The following GALNT17 variants were observed in gnomAD, a reference collection of about 807,000 sequenced individuals.
The protein encoded by GALNT17 is polypeptide N-acetylgalactosaminyltransferase 17.
In GALNT17, 29 loss-of-function variants were observed where a neutral mutation model predicts 63.7. The ratio of observed to expected loss-of-function variants is 0.46; its 90% CI spans 0.34 to 0.62. The LOEUF is 0.62. Among genes scored for constraint, GALNT17 ranks in the 20% least tolerant of loss-of-function variants. The pLI is 0.01. For missense variants in GALNT17, 603 were observed against 799.6 expected, an observed-to-expected ratio of 0.75 and a Z score of 2.97; for synonymous variants, 305 against 318.3, an observed-to-expected ratio of 0.96 and a Z score of 0.45.
chr7:71,425,322 G>A (rs572468550), intron 5 of GALNT17, among the ~76,000 whole-genome samples: 5 of 151,790 alleles, frequency 3.3e-5, no homozygotes, highest in Non-Finnish European at 4.4e-5. Context: ...TCCCGGGTTC[G>A]AGCAATTCTT....
chr7:71,449,454 T>G (rs1424485007), intron 5 of GALNT17, among the ~76,000 whole-genome samples: 1 of 152,178 alleles, frequency 6.6e-6, no homozygotes, highest in African/African-American at 2.4e-5. Context: ...CCTCTTTATT[T>G]CCTATCATTA....
At chr7:71,525,561 C>T (rs996828440) in intron 5 of GALNT17, among the ~76,000 whole-genome samples, 3 of 151,866 alleles carry the variant, frequency 2.0e-5, no homozygotes, top group Admixed American at 6.6e-5. Flanking sequence ...TTATGAGGGG[C>T]TTCTCCTTTC....
At chr7:71,298,519 T>C (rs897352604) in intron 1 of GALNT17, among the ~76,000 whole-genome samples, 1 of 152,192 alleles carries the variant, frequency 6.6e-6, no homozygotes, top group Non-Finnish European at 1.5e-5. Context: ...CACTGTGGCA[T>C]CTGCTCCTTT....
chr7:71,520,754 G>T (rs1489413973), intron 5 of GALNT17, among the ~76,000 whole-genome samples: 3 of 152,128 alleles, frequency 2.0e-5, no homozygotes, highest in Non-Finnish European at 4.4e-5. Flanking sequence ...GGCTTGAGGT[G>T]GGAGGGCAGA....
chr7:71,179,467 G>C (rs1788698318), intron 1 of GALNT17, among the ~76,000 whole-genome samples: 1 of 152,208 alleles, frequency 6.6e-6, no homozygotes, highest in Non-Finnish European at 1.5e-5. Context: ...CTCAACTTTG[G>C]CAGAATAAAC....
chr7:71,562,606 C>G (rs116312297), intron 5 of GALNT17, among the ~76,000 whole-genome samples: 17 of 152,148 alleles, frequency 1.1e-4, no homozygotes, highest in African/African-American at 4.1e-4. Context: ...AATCTAATGC[C>G]GCTGCTGCTC....
At chr7:71,519,589 G>A (rs764250987) in intron 5 of GALNT17, among the ~76,000 whole-genome samples, 15 of 152,000 alleles carry the variant, frequency 9.9e-5, no homozygotes, top group African/African-American at 1.5e-4. Flanking sequence ...TCACCCTCCC[G>A]AGTAGCTGAG....
rs531949919 is a variant in GALNT17, at chr7:71,268,896, A to G, written c.239-66654A>G. Among the ~76,000 whole-genome samples the G allele has an allele frequency of 5.3e-5, 8 of 152,250 alleles. No homozygotes were observed. The South Asian group carries it at 1.7e-3, about 32-fold the overall frequency. ...TAGAGTGGCCTACATGGCTTCTTCT[A>G]GCATGACCAGCAGATGTGAGACTTG... On this transcript the variant is annotated intron_variant, in intron 1 of 10. Coordinates refer to ENST00000333538, the MANE Select transcript of GALNT17 (RefSeq NM_022479.3).
intron 6 of GALNT17, among the ~76,000 whole-genome samples, chr7:71,615,159 G>A (rs74496001): frequency 1.4e-4 from 21 of 152,310 alleles, no homozygotes; most frequent in African/African-American, 4.6e-4. Flanking sequence ...CAAGGCCAGC[G>A]CTTCAGCACA....
At chr7:71,474,251 G>C (rs549853099) in intron 5 of GALNT17, among the ~76,000 whole-genome samples, 1 of 152,240 alleles carries the variant, frequency 6.6e-6, no homozygotes, top group East Asian at 1.9e-4. Context: ...CCACCATCTT[G>C]GTTTTCATGG....
At chr7:71,238,452 T>A (rs552715162) in intron 1 of GALNT17, among the ~76,000 whole-genome samples, 15 of 152,160 alleles carry the variant, frequency 9.9e-5, no homozygotes, top group South Asian at 4.1e-4. Context: ...CTTCAACTTA[T>A]GGGCTCAAGT....
chr7:71,231,528 T>G (rs1789788118), intron 1 of GALNT17, among the ~76,000 whole-genome samples: 1 of 152,004 alleles, frequency 6.6e-6, no homozygotes, highest in Non-Finnish European at 1.5e-5. Context: ...ATAGACTGAG[T>G]GGCTTAAACG....
intron 6 of GALNT17, among the ~76,000 whole-genome samples, chr7:71,612,025 G>A (rs1008724762): frequency 4.6e-5 from 7 of 152,118 alleles, no homozygotes; most frequent in Non-Finnish European, 8.8e-5. Context: ...TGAAGCAATC[G>A]GCATCATTCA....
chr7:71,150,881 C>T (rs1296650686), intron 1 of GALNT17, among the ~76,000 whole-genome samples: 1 of 151,062 alleles, frequency 6.6e-6, no homozygotes, highest in Non-Finnish European at 1.5e-5. Context: ...TAGTGTGTGC[C>T]TGTAGTCCCA....
chr7:71,457,872 T>C (rs919238622), intron 5 of GALNT17, among the ~76,000 whole-genome samples: 4 of 152,176 alleles, frequency 2.6e-5, no homozygotes, highest in African/African-American at 9.6e-5. Flanking sequence ...TCCAGCCTTA[T>C]TTTACCCAGC....
chr7:71,213,193 T>C (rs906786946), intron 1 of GALNT17, among the ~76,000 whole-genome samples: 2 of 152,190 alleles, frequency 1.3e-5, no homozygotes, highest in Non-Finnish European at 2.9e-5. Context: ...ATTCTCATGA[T>C]AGTGAATATC....
At chr7:71,207,443 C>T (rs1789293603) in intron 1 of GALNT17, among the ~76,000 whole-genome samples, 1 of 152,132 alleles carries the variant, frequency 6.6e-6, no homozygotes, top group African/African-American at 2.4e-5. Flanking sequence ...TTTAGTTTAG[C>T]TTTGTCTTTT....
At chr7:71,507,664 C>T (rs899881296) in intron 5 of GALNT17, among the ~76,000 whole-genome samples, 5 of 152,184 alleles carry the variant, frequency 3.3e-5, no homozygotes, top group African/African-American at 1.2e-4. Context: ...ATCTTCGAGC[C>T]GTGTCCCTTT....
intron 4 of GALNT17, among the ~76,000 whole-genome samples, chr7:71,416,878 T>G (rs1285613769): frequency 6.6e-6 from 1 of 152,176 alleles, no homozygotes; most frequent in Non-Finnish European, 1.5e-5. Flanking sequence ...TAGGCCCTGA[T>G]ATTTTTCCAG....
Sources: allele counts gnomAD v4.1 joint callset (sites outside exome capture counted in the v4.1 genomes callset), GRCh38; gene constraint gnomAD v4.1.1; transcripts MANE v1.5; gene names NCBI Gene and HGNC (gene_info 2026-07-23, HGNC 2026-07-21).